CMTR1: variants seen among roughly 807,000 people sequenced by gnomAD.
CMTR1 encodes the protein cap methyltransferase 1, also known as cap-specific mRNA (nucleoside-2'-O-)-methyltransferase 1.
CMTR1 carries 39 observed loss-of-function variants against 107.0 expected under a neutral mutation model. That is an observed-to-expected ratio of 0.36 (90% confidence interval 0.28 to 0.48). The LOEUF (loss-of-function observed/expected upper bound fraction) is 0.48, where lower values mean the gene tolerates loss of function less well. Among genes scored for constraint, CMTR1 ranks in the 20% least tolerant of loss-of-function variants. The pLI is 0.99. For missense variants in CMTR1, 672 were observed against 1,064.9 expected (o/e 0.63, Z 5.14); for synonymous variants, 366 against 379.5 (o/e 0.96, Z 0.41).
intron 13 of CMTR1, 102 bp downstream of exon 13, chr6:37,463,110 T>C: frequency 7.9e-7 from 1 of 1,264,670 alleles, no homozygotes; most frequent in Non-Finnish European, 1.1e-6. Flanking sequence ...TTGTCAACCC[T>C]GACAAATTGG....
intron 12 of CMTR1, 103 bp from the exon 13 acceptor site, chr6:37,462,726 C>A: frequency 9.1e-7 from 1 of 1,093,224 alleles, no homozygotes; most frequent in Non-Finnish European, 1.4e-6. Context: ...TAAGGTTGAA[C>A]AGGGAAGCCA....
the CMTR1 span, among the ~76,000 whole-genome samples, chr6:37,426,837 G>A: frequency 6.6e-6 from 1 of 152,178 alleles, no homozygotes; most frequent in Non-Finnish European, 1.5e-5. Flanking sequence ...AAAATGAAAG[G>A]AGGGAATAAA....
rs745771819 is a variant in CMTR1 at position 37,435,579 on chromosome 6, G to T, written c.-6-45G>T. On this transcript the variant is annotated intron_variant, in intron 1 of 23. Transcript: ENST00000373451. ...TTGGAATCCCTGCTGTGATCCCAGT[G>T]GCTGTGACCCAAGGGCAGCTGACTG... 2.5e-6 allele frequency: 4 copies of T among 1,572,530 alleles called. No individual in the cohort carries two copies. The African/African-American group carries it at 4.2e-5, about 16-fold the overall frequency.
In CMTR1 at chr6:37,472,584, C is replaced by A; in HGVS notation, c.1689+97C>A. On this transcript the variant is annotated intron_variant, in intron 16 of 23. Transcript: ENST00000373451. This position sits in a 1 kb window ranked among gnomAD's most constrained non-coding sequence, Gnocchi z 4.1. ...CCCCAGATGCATGGTCTCCAGAGGGCTTGTGCAGATGCCCACCATGGGCTC... is the reference window on the plus strand; with the variant it reads ...CCCCAGATGCATGGTCTCCAGAGGGATTGTGCAGATGCCCACCATGGGCTC... The A allele has an allele frequency of 8.0e-7, 1 of 1,254,472 alleles. No homozygotes were observed. The highest frequency in any genetic ancestry group is 1.2e-6 in the Non-Finnish European group (1 of 857,738). 77.7% of individuals were successfully genotyped at this position (1,254,472 alleles called of 1,614,324 possible).
chr6:37,435,677 G>A lies in CMTR1; in HGVS notation c.48G>A (p.Gln16=), dbSNP rs1454620729. 1 of 1,600,144 alleles carries A rather than the reference G, an allele frequency of 6.2e-7. No individual in the cohort carries two copies. Among genetic ancestry groups the A allele is most frequent in the Non-Finnish European group, 8.5e-7 (1 of 1,174,786 alleles). ...AATGCACTGCCCCCATCAAGAAACA[G>A]AAAAAAAGAGTTGCAGAGCTTGCCC... ...DPECTAPIKK[Q]KKRVAELALS... Residue 16 remains glutamine (Q), a synonymous_variant, in exon 2 of 24, where the codon CAG becomes CAA. Coordinates refer to ENST00000373451, the MANE Select transcript of CMTR1 (RefSeq NM_015050.3).
chr6:37,459,487 A>G, intron 9 of CMTR1, 79 bp from the exon 10 acceptor site: 1 of 1,221,684 alleles, frequency 8.2e-7, no homozygotes, highest in South Asian at 1.2e-5. Flanking sequence ...GCCCGTCTTC[A>G]CTGACCCAGA....
Position 37,476,177 on chromosome 6 carries a change from C to T in CMTR1, c.2088C>T (p.Pro696=), listed in dbSNP as rs776636268. 73 of 1,613,896 alleles carry T rather than the reference C, an allele frequency of 4.5e-5. No individual in the cohort carries two copies. The highest frequency in any genetic ancestry group is 1.8e-4 in the East Asian group (8 of 44,876). ...AAGCCGTTTCCAAGCCTAGTCGGCC[C>T]GACATGAATCCCATCAGGTGAGCAT... is the stretch of plus-strand genomic sequence containing the variant. ...FVKAVSKPSR[P]DMNPIRVKEV... Residue 696 remains proline, a synonymous_variant, in exon 20 of 24, where the codon CCC becomes CCT. Coordinates refer to ENST00000373451, the MANE Select transcript of CMTR1 (RefSeq NM_015050.3).
chr6:37,426,361 T>C, the CMTR1 span, among the ~76,000 whole-genome samples: 6 of 152,122 alleles, frequency 3.9e-5, no homozygotes, highest in Admixed American at 6.5e-5. Flanking sequence ...TGAATTTTTG[T>C]TGGAAATTGG....
At chr6:37,439,807 A>G (rs1209028572) in intron 2 of CMTR1, among the ~76,000 whole-genome samples, 1 of 152,180 alleles carries the variant, frequency 6.6e-6, no homozygotes, top group Non-Finnish European at 1.5e-5. Context: ...TAAACATAGT[A>G]TATGTATTCT....
Position 37,480,529 on chromosome 6 carries a change from G to A in CMTR1, c.*384G>A. ...CTCACTTTTCTGAGTTCCATGCACT[G>A]CCCTGAGGGTAGCCATGCCCTTGCT... On this transcript the variant is annotated 3_prime_UTR_variant, in exon 24 of 24. Transcript: ENST00000373451. The A allele has an allele frequency of 1.9e-6, 2 of 1,072,354 alleles. No individual in the cohort carries two copies. Among genetic ancestry groups the A allele is most frequent in the Non-Finnish European group, 2.3e-6 (2 of 885,668 alleles). The allele number at this position is 1,072,354 out of a possible 1,614,324, so 66.4% of individuals were successfully genotyped here.
chr6:37,469,921 T>G (rs570267430), intron 13 of CMTR1, among the ~76,000 whole-genome samples: 7 of 106,630 alleles, frequency 6.6e-5, no homozygotes, highest in East Asian at 4.0e-4. Flanking sequence ...AGATGATCTG[T>G]TTTTTTTTTT....
At position 37,474,788 on chromosome 6, in the gene CMTR1, A is replaced by G; in HGVS notation, c.1944+142A>G. ...AGGGCTGGGGTAAGGGTTTATAATG[A>G]CTCCTCCCCGAGCAGTTGCTCTAAG... On this transcript the variant is annotated intron_variant, in intron 18 of 23. Transcript: ENST00000373451. 7.8e-6 allele frequency: 10 copies of G among 1,279,246 alleles called. No homozygotes were observed. In the South Asian group the frequency reaches 1.2e-4, roughly 15 times the overall value. The allele number at this position is 1,279,246 out of a possible 1,614,324, so 79.2% of individuals were successfully genotyped here.
At position 37,462,084 on chromosome 6, in the gene CMTR1, G is replaced by A. The variant is rs752951174; in HGVS notation, c.1307G>A (p.Arg436His). The A allele has an allele frequency of 4.3e-6, 7 of 1,613,880 alleles. No homozygotes were observed. Among genetic ancestry groups the A allele is most frequent in the Non-Finnish European group, 5.1e-6 (6 of 1,180,040 alleles). ...RVCLFKPITS[R>H]PANSERYVVC... is the part of the protein sequence containing the mutation. ...TGTCTCTTCAAGCCTATTACCAGCC[G>A]TCCTGCCAACTCAGAGAGGTGAAGC... The change falls in exon 12 of 24, where the codon CGT (arginine) becomes CAT (histidine). Residue 436 changes from arginine to histidine, a missense_variant. Arg to His is a conservative substitution (Grantham distance 29). Transcript: ENST00000373451.
At chr6:37,462,579 T>G (rs1761422197) in intron 12 of CMTR1, among the ~76,000 whole-genome samples, 1 of 152,106 alleles carries the variant, frequency 6.6e-6, no homozygotes, top group Non-Finnish European at 1.5e-5. Flanking sequence ...ACTCCCCAGG[T>G]GATTGTGACA....
At chr6:37,443,047 C>T (rs940088840) in intron 2 of CMTR1, among the ~76,000 whole-genome samples, 2 of 152,148 alleles carry the variant, frequency 1.3e-5, no homozygotes, top group Admixed American at 6.5e-5. Flanking sequence ...TGTAAACTTT[C>T]GTGGTATAAA....
chr6:37,445,063 C>T (rs1220132385), intron 3 of CMTR1, among the ~76,000 whole-genome samples: 2 of 151,944 alleles, frequency 1.3e-5, no homozygotes, highest in Admixed American at 6.6e-5. Context: ...TATAGTTGAC[C>T]CCTCCATTTT....
chr6:37,457,367 A>C (rs1392465379), intron 8 of CMTR1, among the ~76,000 whole-genome samples: 11 of 152,142 alleles, frequency 7.2e-5, no homozygotes, highest in Non-Finnish European at 1.5e-4. Context: ...CTGTTGCTGC[A>C]CAACAGTATT....
intron 4 of CMTR1, among the ~76,000 whole-genome samples, chr6:37,448,324 T>C (rs1038164409): frequency 4.0e-5 from 6 of 151,546 alleles, no homozygotes; most frequent in African/African-American, 1.5e-4. Flanking sequence ...CACGGATAAA[T>C]GCTCAGTGGC....
At chr6:37,460,934 T>G (rs963635112) in intron 10 of CMTR1, among the ~76,000 whole-genome samples, 2 of 152,140 alleles carry the variant, frequency 1.3e-5, no homozygotes, top group African/African-American at 4.8e-5. Flanking sequence ...GGGAGACCAC[T>G]CTAGAAATAG....
Sources: allele counts gnomAD v4.1 joint callset (sites outside exome capture counted in the v4.1 genomes callset), GRCh38; gene constraint gnomAD v4.1.1; non-coding constraint Gnocchi (gnomAD v3.1); transcripts MANE v1.5; gene names NCBI Gene and HGNC (gene_info 2026-07-23, HGNC 2026-07-21).